Variants in STAP1 observed in about 807,000 individuals in gnomAD.
STAP1 encodes signal-transducing adaptor protein 1.
Under a neutral mutation model 37.8 loss-of-function variants are expected in STAP1, and 30 were observed. The ratio of observed to expected loss-of-function variants is 0.79; its 90% CI spans 0.59 to 1.08. The LOEUF (loss-of-function observed/expected upper bound fraction) is 1.08. STAP1 is among the 50% of genes least tolerant of loss of function. STAP1 has a pLI of 0.00. For missense variants in STAP1, 357 were observed against 349.4 expected (o/e 1.02, Z -0.17); for synonymous variants, 130 against 116.0 (o/e 1.12, Z -0.78).
intron 1 of STAP1, among the ~76,000 whole-genome samples, chr4:67,561,479 G>A (rs753003166): frequency 2.0e-5 from 3 of 152,082 alleles, no homozygotes; most frequent in Non-Finnish European, 2.9e-5. Context: ...TATTTTTTGT[G>A]GGGCACTTTT....
intron 8 of STAP1, among the ~76,000 whole-genome samples, chr4:67,603,098 G>A (rs895715722): frequency 6.6e-6 from 1 of 152,122 alleles, no homozygotes; most frequent in African/African-American, 2.4e-5. Context: ...CACCCAAGGT[G>A]TAAGGCAAAG....
chr4:67,592,283 T>G, intron 7 of STAP1, among the ~76,000 whole-genome samples: 1 of 152,110 alleles, frequency 6.6e-6, no homozygotes, highest in South Asian at 2.1e-4. Flanking sequence ...TGTGTACCAC[T>G]GCGCCTGGCT....
chr4:67,600,908 C>G (rs1353160802), intron 8 of STAP1, among the ~76,000 whole-genome samples: 1 of 152,034 alleles, frequency 6.6e-6, no homozygotes, highest in Admixed American at 6.6e-5. Context: ...ATCAGTGAGT[C>G]TTGTTTTTTA....
chr4:67,604,506 T>A lies in STAP1; in HGVS notation c.827-1790T>A, dbSNP rs149641624. Among the ~76,000 whole-genome samples, 971 of 152,290 alleles carry A rather than the reference T, an allele frequency of 6.4e-3. 13 individuals are homozygous for A. The highest frequency in any genetic ancestry group is 0.022 in the African/African-American group (930 of 41,552). The stretch of plus-strand genomic sequence containing the variant: ...TTATAGCTTTTCTTTGTTGAGAACA[T>A]CTATCTTTATATTCATTTCAAGAAT... On this transcript the variant is annotated intron_variant, in intron 8 of 8. Transcript: ENST00000265404.
At chr4:67,585,892 C>T (rs1727969390) in intron 6 of STAP1, among the ~76,000 whole-genome samples, 1 of 152,160 alleles carries the variant, frequency 6.6e-6, no homozygotes, top group Non-Finnish European at 1.5e-5. Flanking sequence ...TTGTGTATGA[C>T]ATAAACTACA....
At chr4:67,574,778 G>C (rs926973420) in intron 2 of STAP1, among the ~76,000 whole-genome samples, 4 of 152,164 alleles carry the variant, frequency 2.6e-5, no homozygotes, top group African/African-American at 9.7e-5. Context: ...ATGTGTGCCT[G>C]AAGTATGGTA....
chr4:67,562,187 TAA>T (rs763389665), intron 1 of STAP1, among the ~76,000 whole-genome samples: 1 of 128,262 alleles, frequency 7.8e-6, no homozygotes, highest in Non-Finnish European at 1.7e-5. Flanking sequence ...TGTGCTAAAG[TAA>T]AAAAAAAAAA....
chr4:67,583,381 A>G (rs1727907402), intron 5 of STAP1, among the ~76,000 whole-genome samples, 193 bp from the exon 6 acceptor site: 1 of 152,180 alleles, frequency 6.6e-6, no homozygotes, highest in Non-Finnish European at 1.5e-5. Flanking sequence ...GAAGACCTTA[A>G]CGTTAGCATA....
At chr4:67,593,218 T>C (rs781044589) in intron 7 of STAP1, 42 bp from the exon 8 acceptor site, 7 of 1,403,766 alleles carry the variant, frequency 5.0e-6, no homozygotes, top group African/African-American at 4.3e-5. Context: ...TCTATACTTA[T>C]GCAGGTGATG....
intron 1 of STAP1, among the ~76,000 whole-genome samples, chr4:67,566,237 C>T (rs571662898): frequency 3.3e-5 from 5 of 152,206 alleles, no homozygotes; most frequent in South Asian, 2.1e-4. Context: ...CATGAGCCAC[C>T]GCGCCTGGCC....
intron 8 of STAP1, among the ~76,000 whole-genome samples, chr4:67,605,449 T>A (rs1041838866): frequency 5.3e-5 from 8 of 150,948 alleles, no homozygotes; most frequent in Non-Finnish European, 1.0e-4. Context: ...GCTATTGGTA[T>A]ATGACTGAAT....
chr4:67,594,770 C>T (rs962146641), intron 8 of STAP1, among the ~76,000 whole-genome samples: 1 of 152,172 alleles, frequency 6.6e-6, no homozygotes, highest in African/African-American at 2.4e-5. Context: ...AAACTTGTCA[C>T]TTAAAATATA....
At chr4:67,562,751 A>C (rs1727379107) in intron 1 of STAP1, among the ~76,000 whole-genome samples, 1 of 152,052 alleles carries the variant, frequency 6.6e-6, no homozygotes, top group Non-Finnish European at 1.5e-5. Context: ...CAACCTGGGC[A>C]ACAGAGGGAG....
At chr4:67,599,517 AATTATCCTTTTAATTTCTGTGGT>A (rs1728294425) in intron 8 of STAP1, among the ~76,000 whole-genome samples, 1 of 152,060 alleles carries the variant, frequency 6.6e-6, no homozygotes, top group Non-Finnish European at 1.5e-5. Context: ...AGTAGTCTCT[AATTATCCTTTTAATTTCTGTGGT>A]ATCAGTTGTA....
intron 1 of STAP1, among the ~76,000 whole-genome samples, chr4:67,570,187 T>C (rs1248157242): frequency 6.6e-6 from 1 of 152,240 alleles, no homozygotes; most frequent in Non-Finnish European, 1.5e-5. Context: ...AAAACAATGA[T>C]TAAAAAGTAT....
intron 5 of STAP1, among the ~76,000 whole-genome samples, chr4:67,581,734 C>T (rs1049985482): frequency 6.6e-6 from 1 of 152,140 alleles, no homozygotes; most frequent in African/African-American, 2.4e-5. Context: ...CCAGAGCTCA[C>T]GCCTAAATAA....
At chr4:67,576,406 G>C (rs1399009375) in intron 3 of STAP1, among the ~76,000 whole-genome samples, 1 of 152,050 alleles carries the variant, frequency 6.6e-6, no homozygotes, top group Non-Finnish European at 1.5e-5. Flanking sequence ...GTGTAGAATA[G>C]TGCTTAGCAC....
intron 8 of STAP1, among the ~76,000 whole-genome samples, chr4:67,603,878 T>C (rs570212500): frequency 6.6e-6 from 1 of 152,112 alleles, no homozygotes. Context: ...CCCCAGCTGG[T>C]GTCTCACTAG....
chr4:67,600,381 A>G (rs1728313854), intron 8 of STAP1, among the ~76,000 whole-genome samples: 2 of 151,078 alleles, frequency 1.3e-5, no homozygotes, highest in South Asian at 4.2e-4. Flanking sequence ...ATATTACTTC[A>G]ATTTTTTTTT....
Sources: gnomAD v4.1 joint callset for allele counts (sites outside exome capture counted in the v4.1 genomes callset) on GRCh38, gnomAD v4.1.1 for gene constraint, MANE v1.5 for transcripts, NCBI Gene and HGNC (gene_info 2026-07-23, HGNC 2026-07-21) for gene names.